Variants in COL4A1 observed in about 807,000 individuals in gnomAD.
The protein encoded by COL4A1 is collagen type IV alpha 1 chain.
In COL4A1, 40 loss-of-function variants were observed where a neutral mutation model predicts 216.6. That is an observed-to-expected ratio of 0.18 (90% CI 0.14 to 0.24). The LOEUF (loss-of-function observed/expected upper bound fraction) is 0.24. COL4A1 is among the 10% of genes least tolerant of loss of function. The probability of loss-of-function intolerance (pLI) is 1.00; values close to 1 mark genes in which losing one functional copy is unlikely to be tolerated. For missense variants in COL4A1, 1,628 were observed against 2,196.8 expected, an observed-to-expected ratio of 0.74 and a Z score of 5.18; for synonymous variants, 839 against 810.7, an observed-to-expected ratio of 1.03 and a Z score of -0.59.
chr13:110,291,431 C>A (rs531126756), intron 1 of COL4A1, among the ~76,000 whole-genome samples: 1 of 152,152 alleles, frequency 6.6e-6, no homozygotes, highest in Non-Finnish European at 1.5e-5. Context: ...TAGGGGTGCA[C>A]GGGAGCGCCA....
chr13:110,255,555 G>GGGGCAGGCAGGAAGGGAGC (rs1882476038), intron 1 of COL4A1, among the ~76,000 whole-genome samples: 3 of 91,184 alleles, frequency 3.3e-5, no homozygotes, highest in African/African-American at 1.3e-4. Context: ...GGAAGGGAAG[G>GGGGCAGGCAGGAAGGGAGC]GGGCAGGCAG....
chr13:110,165,389 C>T (rs1237651311), intron 45 of COL4A1, among the ~76,000 whole-genome samples: 1 of 152,166 alleles, frequency 6.6e-6, no homozygotes, highest in Non-Finnish European at 1.5e-5. Flanking sequence ...CATCTGAAAC[C>T]TGCCTTACTG....
At chr13:110,304,793 G>A (rs1051580101) in intron 1 of COL4A1, among the ~76,000 whole-genome samples, 1 of 152,242 alleles carries the variant, frequency 6.6e-6, no homozygotes, top group African/African-American at 2.4e-5. Context: ...CTGGCACACA[G>A]CAGGTGATGT....
Position 110,207,532 on chromosome 13 carries a change from T to C in COL4A1, c.694-43A>G. ...TAAAATTAATTAGGCATGAAAACAA[T>C]TATGCAGACATGAAAAATTGCAGAG... On this transcript the variant is annotated intron_variant, in intron 12 of 51. Transcript: ENST00000375820. This position sits in a 1 kb window ranked among gnomAD's most constrained non-coding sequence, Gnocchi z 4.4. The C allele has an allele frequency of 6.6e-7, 1 of 1,517,748 alleles. No homozygotes were observed. The allele number at this position is 1,517,748 out of a possible 1,614,324, so 94.0% of individuals were successfully genotyped here.
Position 110,277,319 on chromosome 13 carries a change from C to T in COL4A1, c.84+29625G>A, listed in dbSNP as rs1282035914. ...AAACATGTCATTTAAAAACTGGCTG[C>T]TGACATGTTCTGTCTAAGCCATTCT... On this transcript the variant is annotated intron_variant, in intron 1 of 51. Transcript: ENST00000375820. Among the ~76,000 whole-genome samples, 3 of 152,338 alleles carry T rather than the reference C, an allele frequency of 2.0e-5. No individual in the cohort carries two copies. The East Asian group carries it at 5.8e-4, about 29-fold the overall frequency.
intron 40 of COL4A1, 63 bp from the exon 41 acceptor site, chr13:110,172,833 C>T (rs1279291623): frequency 1.2e-5 from 16 of 1,344,420 alleles, no homozygotes; most frequent in African/African-American, 1.4e-5. Context: ...GCAGGTACAA[C>T]ACAAAGCACT....
chr13:110,299,893 A>C (rs1884426023), intron 1 of COL4A1, among the ~76,000 whole-genome samples: 1 of 152,214 alleles, frequency 6.6e-6, no homozygotes, highest in Non-Finnish European at 1.5e-5. Context: ...AATTCAAGCT[A>C]ATGATAAAAA....
chr13:110,164,075 A>G (rs1422346894), intron 46 of COL4A1, among the ~76,000 whole-genome samples: 4 of 142,058 alleles, frequency 2.8e-5, no homozygotes, highest in African/African-American at 5.3e-5. Flanking sequence ...TGCAGCCTCG[A>G]CCTCCCGGGC....
At chr13:110,165,035 C>A in intron 45 of COL4A1, 45 bp from the exon 46 acceptor site, 1 of 1,581,652 alleles carries the variant, frequency 6.3e-7, no homozygotes, top group Non-Finnish European at 8.6e-7. Context: ...TGTCCACATA[C>A]TGGGGCGGAA....
At chr13:110,213,706 G>A (rs1232399735) in intron 4 of COL4A1, 76 bp downstream of exon 4, 1 of 1,466,626 alleles carries the variant, frequency 6.8e-7, no homozygotes, top group South Asian at 1.1e-5. Context: ...GAGAAAGGAG[G>A]GAAAAGGTGC....
intron 34 of COL4A1, 48 bp downstream of exon 34, chr13:110,176,837 G>A (rs750513816): frequency 3.7e-6 from 6 of 1,613,954 alleles, no homozygotes; most frequent in Non-Finnish European, 4.2e-6. Flanking sequence ...ACCCAGGAAA[G>A]GCACATTGTG....
At chr13:110,154,497 C>T (rs933294524) in intron 50 of COL4A1, among the ~76,000 whole-genome samples, 1 of 152,242 alleles carries the variant, frequency 6.6e-6, no homozygotes, top group Non-Finnish European at 1.5e-5. Flanking sequence ...CTTTCAAGCT[C>T]GTGCATGTTG....
intron 2 of COL4A1, among the ~76,000 whole-genome samples, chr13:110,215,370 G>A (rs1179012900): frequency 6.6e-6 from 1 of 152,160 alleles, no homozygotes; most frequent in Non-Finnish European, 1.5e-5. Context: ...GACCAGCCTG[G>A]CCAACATGGC....
At position 110,162,210 on chromosome 13, in the gene COL4A1, T is replaced by C. The variant is rs1877118830; in HGVS notation, c.4462+20A>G. 2 of 1,608,134 alleles carry C rather than the reference T, an allele frequency of 1.2e-6. No homozygotes were observed. Among genetic ancestry groups the C allele is most frequent in the African/African-American group, 1.3e-5 (1 of 74,858 alleles). On this transcript the variant is annotated intron_variant, in intron 48 of 51. Transcript: ENST00000375820. ...AACACACCTACACTGAATGAATGCA[T>C]GGATCTGCAGGCTTCTTACCCAAGT...
At chr13:110,283,978 T>G (rs1466590897) in intron 1 of COL4A1, among the ~76,000 whole-genome samples, 3 of 152,064 alleles carry the variant, frequency 2.0e-5, no homozygotes, top group Non-Finnish European at 2.9e-5. Flanking sequence ...GCCAGGAGCC[T>G]TCAGCAAAGG....
intron 49 of COL4A1, among the ~76,000 whole-genome samples, chr13:110,158,714 T>C (rs944396229): frequency 2.6e-5 from 4 of 151,646 alleles, no homozygotes; most frequent in South Asian, 4.1e-4. Context: ...TTTCCTATTA[T>C]TTCTGAATAT....
At position 110,170,666 on chromosome 13, in the gene COL4A1, T is replaced by C. The variant is rs768049987; in HGVS notation, c.3623A>G (p.Glu1208Gly). The C allele has an allele frequency of 5.0e-6, 8 of 1,614,142 alleles. No homozygotes were observed. The highest frequency in any genetic ancestry group is 6.8e-6 in the Non-Finnish European group (8 of 1,180,006). Residue 1208 changes from glutamate to glycine, a missense_variant, in exon 42 of 52, where the codon GAG becomes GGG. Physicochemically the swap from Glu to Gly is moderately conservative, Grantham distance 98 (BLOSUM62 -2). This residue lies in a region of COL4A1 where 345 missense variants were observed against 476.9 expected (regional missense o/e 0.72). Coordinates refer to ENST00000375820, the MANE Select transcript of COL4A1 (RefSeq NM_001845.6). The stretch of plus-strand genomic sequence containing the variant: ...CCCCGGAGGACCCATGAATCCTTGC[T>C]CTCCTTTGGATCCAGGAATTCCTGG... ...GSPGIPGSKGEQGFMGPPGPQ... is the reference protein window; with the variant it reads ...GSPGIPGSKGGQGFMGPPGPQ...
rs1288409299 is a variant in COL4A1 at position 110,173,785 on chromosome 13, T to C, written c.3505+115A>G. The C allele has an allele frequency of 3.1e-5, 36 of 1,156,114 alleles. 1 individual carries two copies. Among genetic ancestry groups the C allele is most frequent in the South Asian group, 2.7e-4 (21 of 77,494 alleles). 71.6% of individuals were successfully genotyped at this position (1,156,114 alleles called of 1,614,324 possible). A position where few individuals can be genotyped will look rare whatever the true frequency, so the allele number is the denominator to read the frequency against. ...ATCAGTGTTTAAGTAGTTGCAGGGA[T>C]GTGCAGTCTAGGGGCCATTCTGTGC... On this transcript the variant is annotated intron_variant, in intron 40 of 51. Transcript: ENST00000375820.
intron 24 of COL4A1, among the ~76,000 whole-genome samples, chr13:110,189,323 A>G (rs1878532591): frequency 6.6e-6 from 1 of 152,214 alleles, no homozygotes; most frequent in Admixed American, 6.5e-5. Flanking sequence ...TCGGCCTCCC[A>G]AAGTGCTGGG....
Sources: allele counts gnomAD v4.1 joint callset (sites outside exome capture counted in the v4.1 genomes callset), GRCh38; gene constraint gnomAD v4.1.1; regional missense constraint gnomAD v4.1.1; non-coding constraint Gnocchi (gnomAD v3.1); transcripts MANE v1.5; gene names NCBI Gene and HGNC (gene_info 2026-07-23, HGNC 2026-07-21).